Variants in SPAG16 observed in about 807,000 individuals in gnomAD.
SPAG16 encodes sperm associated antigen 16.
SPAG16 carries 86 observed loss-of-function variants against 80.4 expected under a neutral mutation model. The ratio of observed to expected loss-of-function variants is 1.07; its 90% CI spans 0.90 to 1.28. SPAG16 has a LOEUF of 1.28. Among genes scored for constraint, SPAG16 ranks in the 50% most tolerant of loss-of-function variants. The pLI, the probability that SPAG16 is intolerant of heterozygous loss-of-function variation, is 0.00. For synonymous variants in SPAG16, 294 were observed against 265.9 expected (o/e 1.11, Z -1.03); for missense variants, 870 against 765.3 (o/e 1.14, Z -1.61).
At chr2:213,903,211 C>A (rs1216352137) in intron 11 of SPAG16, among the ~76,000 whole-genome samples, 4 of 152,274 alleles carry the variant, frequency 2.6e-5, no homozygotes, top group African/African-American at 9.6e-5. Context: ...CTAGGCAGTG[C>A]CCCCGTAGGG....
At chr2:214,384,255 A>G (rs1454319966) in intron 15 of SPAG16, among the ~76,000 whole-genome samples, 3 of 152,184 alleles carry the variant, frequency 2.0e-5, no homozygotes, top group Non-Finnish European at 4.4e-5. Context: ...ACTGTTTGTT[A>G]TAATGCTTTT....
At chr2:214,386,965 A>C (rs529991286) in intron 15 of SPAG16, among the ~76,000 whole-genome samples, 234 of 148,892 alleles carry the variant, frequency 1.6e-3, no homozygotes, top group Middle Eastern at 3.4e-3. Flanking sequence ...AGTCATATAC[A>C]GGCACACTGC....
chr2:213,798,713 C>A (rs1213273967), intron 10 of SPAG16, among the ~76,000 whole-genome samples: 2 of 152,104 alleles, frequency 1.3e-5, no homozygotes, highest in Non-Finnish European at 2.9e-5. Context: ...AACCTTACCT[C>A]TTATGTTTAG....
chr2:214,006,901 G>A (rs1033366082), intron 12 of SPAG16, among the ~76,000 whole-genome samples: 6 of 152,098 alleles, frequency 3.9e-5, no homozygotes, highest in African/African-American at 9.6e-5. Context: ...ATTTTGTTTC[G>A]GAAACTATGT....
chr2:213,737,281 T>G (rs920255560), intron 10 of SPAG16, among the ~76,000 whole-genome samples: 3 of 152,218 alleles, frequency 2.0e-5, no homozygotes, highest in African/African-American at 7.2e-5. Flanking sequence ...TTGCACTTTC[T>G]TCCAATTTTC....
intron 15 of SPAG16, among the ~76,000 whole-genome samples, chr2:214,324,163 T>C (rs946247542): frequency 6.6e-6 from 1 of 152,160 alleles, no homozygotes; most frequent in Non-Finnish European, 1.5e-5. Flanking sequence ...AATTAAAATA[T>C]TAGTTTAGCA....
At chr2:213,893,527 A>G (rs2076870217) in intron 11 of SPAG16, among the ~76,000 whole-genome samples, 1 of 152,170 alleles carries the variant, frequency 6.6e-6, no homozygotes, top group Non-Finnish European at 1.5e-5. Flanking sequence ...GTTAAGAGAT[A>G]TGTAATATAA....
chr2:213,293,536 T>C (rs2062380544), intron 1 of SPAG16, among the ~76,000 whole-genome samples: 1 of 152,216 alleles, frequency 6.6e-6, no homozygotes, highest in Non-Finnish European at 1.5e-5. Flanking sequence ...TTGAGGATGC[T>C]CAAGCAGCCT....
chr2:213,831,602 T>C (rs1305301525), intron 10 of SPAG16, among the ~76,000 whole-genome samples: 1 of 152,106 alleles, frequency 6.6e-6, no homozygotes, highest in Non-Finnish European at 1.5e-5. Context: ...TCTTCATTTG[T>C]GTCATGGATT....
chr2:213,893,571 G>A (rs761996533), intron 11 of SPAG16, among the ~76,000 whole-genome samples: 12 of 152,090 alleles, frequency 7.9e-5, no homozygotes, highest in Non-Finnish European at 1.6e-4. Flanking sequence ...GAGCCAAAAT[G>A]TATGTGTGTG....
At chr2:213,544,479 G>A (rs577165390) in intron 10 of SPAG16, among the ~76,000 whole-genome samples, 4 of 152,116 alleles carry the variant, frequency 2.6e-5, no homozygotes, top group Non-Finnish European at 4.4e-5. Context: ...TCCTCAACCA[G>A]AGAGGTATAT....
intron 13 of SPAG16, among the ~76,000 whole-genome samples, chr2:214,089,967 A>G (rs1378396894): frequency 6.6e-6 from 1 of 151,854 alleles, no homozygotes; most frequent in African/African-American, 2.4e-5. Flanking sequence ...AACTAACTAG[A>G]CTCTGTACAC....
chr2:214,047,150 C>T (rs2049372764), intron 13 of SPAG16, among the ~76,000 whole-genome samples: 1 of 152,034 alleles, frequency 6.6e-6, no homozygotes, highest in Admixed American at 6.6e-5. Flanking sequence ...TATAAAAATA[C>T]CAATGATATT....
intron 13 of SPAG16, among the ~76,000 whole-genome samples, chr2:214,077,412 G>A (rs2051134421): frequency 6.6e-6 from 1 of 152,206 alleles, no homozygotes; most frequent in Admixed American, 6.5e-5. Flanking sequence ...TCTCATCTAT[G>A]CAAGAGGCCA....
chr2:214,045,974 G>T (rs987495367), intron 13 of SPAG16, among the ~76,000 whole-genome samples: 5 of 152,022 alleles, frequency 3.3e-5, no homozygotes, highest in African/African-American at 4.8e-5. Context: ...AAGTAAAAAA[G>T]AGAGAAGATG....
At chr2:214,101,147 AAT>A (rs2052991161) in intron 13 of SPAG16, among the ~76,000 whole-genome samples, 1 of 134,378 alleles carries the variant, frequency 7.4e-6, no homozygotes, top group African/African-American at 2.8e-5. Context: ...AGTATTACTT[AAT>A]TTTTTTTTCA....
At chr2:214,236,010 T>C (rs1689051433) in intron 15 of SPAG16, among the ~76,000 whole-genome samples, 1 of 152,122 alleles carries the variant, frequency 6.6e-6, no homozygotes, top group Admixed American at 6.5e-5. Flanking sequence ...AGGAAGAAAA[T>C]GGGCATTAAA....
In SPAG16 at chr2:213,977,814, TG is replaced by T. The variant is rs2045497379; in HGVS notation, c.1401-36136del. ...TTTCAATTAAAACTGGCGATTCTGG[TG>T]ACATAATCTGCATACAACTTTGTAG... On this transcript the variant is annotated intron_variant, in intron 12 of 15. Transcript: ENST00000331683. Among the ~76,000 whole-genome samples the T allele has an allele frequency of 2.0e-5, 3 of 152,226 alleles. No individual in the cohort carries two copies. The South Asian group carries it at 6.2e-4, about 32-fold the overall frequency.
chr2:214,248,287 A>ATATTATTATTAT (rs71975870), intron 15 of SPAG16, among the ~76,000 whole-genome samples: 3 of 138,548 alleles, frequency 2.2e-5, no homozygotes, highest in Admixed American at 7.4e-5. Context: ...TACTATTCTT[A>ATATTATTATTAT]TATTATTATT....
Sources: allele counts gnomAD v4.1 joint callset (sites outside exome capture counted in the v4.1 genomes callset), GRCh38; gene constraint gnomAD v4.1.1; transcripts MANE v1.5; gene names NCBI Gene and HGNC (gene_info 2026-07-23, HGNC 2026-07-21).